A1CF: variants seen among roughly 807,000 people sequenced by gnomAD.
A1CF encodes APOBEC-1 stimulating protein.
Under a neutral mutation model 68.9 loss-of-function variants are expected in A1CF, and 48 were observed. That is an observed-to-expected ratio of 0.70 (90% CI 0.55 to 0.89). The LOEUF (loss-of-function observed/expected upper bound fraction) is 0.89. Among genes scored for constraint, A1CF ranks in the 40% least tolerant of loss-of-function variants. A1CF has a pLI of 0.00. For missense variants in A1CF, 653 were observed against 718.9 expected (o/e 0.91, Z 1.05); for synonymous variants, 272 against 260.4 (o/e 1.04, Z -0.43).
At position 50,836,258 on chromosome 10, in the gene A1CF, A is replaced by C; in HGVS notation, c.420T>G (p.Val140=). The C allele has an allele frequency of 6.2e-7, 1 of 1,614,020 alleles. No individual in the cohort carries two copies. The highest frequency in any genetic ancestry group is 1.3e-5 in the African/African-American group (1 of 75,060). The change falls in exon 6 of 13, where the codon GTT becomes GTG. Residue 140 remains valine, a synonymous_variant. Coordinates refer to ENST00000373997, the MANE Select transcript of A1CF (RefSeq NM_014576.4). ...TCTTTTTGGTTTTTGGGATGCCCCC[A>C]ACAAATAATCGGCAGTTGTCCACAC... The part of the protein sequence containing the change: ...CASVDNCRLF[V]GGIPKTKKRE...
At chr10:50,865,513 C>T (rs1840947304) in intron 1 of A1CF, among the ~76,000 whole-genome samples, 1 of 152,126 alleles carries the variant, frequency 6.6e-6, no homozygotes, top group Admixed American at 6.6e-5. Flanking sequence ...CTCCAAGAGG[C>T]AGAATTTCAA....
chr10:50,858,866 T>C (rs1840607910), intron 3 of A1CF, among the ~76,000 whole-genome samples: 1 of 152,092 alleles, frequency 6.6e-6, no homozygotes, highest in African/African-American at 2.4e-5. Flanking sequence ...TAGAAACTTT[T>C]TGAAATCTTA....
At chr10:50,808,023 C>T (rs1837917242) in intron 12 of A1CF, among the ~76,000 whole-genome samples, 1 of 152,160 alleles carries the variant, frequency 6.6e-6, no homozygotes, top group African/African-American at 2.4e-5. Flanking sequence ...GGATAGGAGA[C>T]ATGTGTTAAC....
intron 1 of A1CF, among the ~76,000 whole-genome samples, chr10:50,878,864 G>A (rs1177763083): frequency 6.6e-6 from 1 of 152,164 alleles, no homozygotes; most frequent in Admixed American, 6.5e-5. Context: ...ATACTCAAAT[G>A]ACTTTACTAA....
At chr10:50,848,728 A>C (rs1263231030) in intron 3 of A1CF, among the ~76,000 whole-genome samples, 1 of 152,056 alleles carries the variant, frequency 6.6e-6, no homozygotes, top group African/African-American at 2.4e-5. Context: ...TTCATAACTA[A>C]ACTTGTTTCA....
chr10:50,847,569 T>A (rs183227461), intron 3 of A1CF, among the ~76,000 whole-genome samples: 1 of 152,328 alleles, frequency 6.6e-6, no homozygotes, highest in East Asian at 1.9e-4. Context: ...AGCATGAAGA[T>A]TGAATGAACT....
At chr10:50,873,873 G>C (rs918603125) in intron 1 of A1CF, among the ~76,000 whole-genome samples, 1 of 151,942 alleles carries the variant, frequency 6.6e-6, no homozygotes, top group Non-Finnish European at 1.5e-5. Context: ...CTATATCAGA[G>C]AAAAAATACC....
chr10:50,836,271 C>T lies in A1CF; in HGVS notation c.407G>A (p.Cys136Tyr). ...LLGVCASVDN[C>Y]RLFVGGIPKT... ...TGGGATGCCCCCAACAAATAATCGGCAGTTGTCCACACTGGCACAAACCCC... is the reference window on the plus strand; with the variant it reads ...TGGGATGCCCCCAACAAATAATCGGTAGTTGTCCACACTGGCACAAACCCC... The change falls in exon 6 of 13, where the codon TGC becomes TAC. Residue 136 changes from cysteine (C) to tyrosine (Y), a missense_variant. Transcript: ENST00000373997. The T allele has an allele frequency of 6.2e-7, 1 of 1,613,932 alleles. No individual in the cohort carries two copies. Among genetic ancestry groups the T allele is most frequent in the Non-Finnish European group, 8.5e-7 (1 of 1,179,872 alleles).
chr10:50,876,943 G>A (rs998363702), intron 1 of A1CF, among the ~76,000 whole-genome samples: 2 of 151,982 alleles, frequency 1.3e-5, no homozygotes, highest in Non-Finnish European at 1.5e-5. Context: ...ATACATACAC[G>A]TAACTCTGTT....
chr10:50,836,931 G>T (rs1054636043), intron 5 of A1CF, among the ~76,000 whole-genome samples: 1 of 151,912 alleles, frequency 6.6e-6, no homozygotes, highest in Non-Finnish European at 1.5e-5. Flanking sequence ...TTCAAGAGTT[G>T]TCAATCCTCA....
At chr10:50,813,018 C>T (rs1288187049) in intron 10 of A1CF, among the ~76,000 whole-genome samples, 1 of 152,116 alleles carries the variant, frequency 6.6e-6, no homozygotes, top group South Asian at 2.1e-4. Context: ...ATTATAAGGG[C>T]TACTTCCATA....
In A1CF at chr10:50,809,912, C is replaced by A. The variant is rs376140648; in HGVS notation, c.1591G>T (p.Ala531Ser). 20 of 1,613,412 alleles carry A rather than the reference C, an allele frequency of 1.2e-5. No individual in the cohort carries two copies. In the Admixed American group the frequency reaches 3.0e-4, roughly 24 times the overall value. ...GDGTMATAAA[A>S]ATAFPGYAVP... ...CCCATACCTGGGAAAGCAGTAGCAGCAGCAGCAGCAGTAGCCATGGTGCCA... is the reference window on the plus strand; with the variant it reads ...CCCATACCTGGGAAAGCAGTAGCAGAAGCAGCAGCAGTAGCCATGGTGCCA... Residue 531 changes from alanine to serine, a missense_variant, in exon 12 of 13, where the codon GCT becomes TCT. Physicochemically the swap from Ala to Ser is moderately conservative, Grantham distance 99. Coordinates refer to ENST00000373997, the MANE Select transcript of A1CF (RefSeq NM_014576.4).
intron 1 of A1CF, among the ~76,000 whole-genome samples, chr10:50,878,731 A>T (rs1485573619): frequency 6.6e-6 from 1 of 152,196 alleles, no homozygotes; most frequent in African/African-American, 2.4e-5. Flanking sequence ...TTCTCTTAAA[A>T]TATCTTAAGG....
chr10:50,825,074 C>T (rs553877061), intron 7 of A1CF, among the ~76,000 whole-genome samples: 1 of 152,224 alleles, frequency 6.6e-6, no homozygotes, highest in South Asian at 2.1e-4. Context: ...GTGAATCTTT[C>T]AAAATGGAGC....
rs1840668771 is a variant in A1CF at position 50,859,944 on chromosome 10, G to C, written c.-4C>G. On this transcript the variant is annotated 5_prime_UTR_variant, in exon 3 of 13. Coordinates refer to ENST00000373997, the MANE Select transcript of A1CF (RefSeq NM_014576.4). ...CGGATTTGTGATTTGATTCCATTGA[G>C]AGTGATTATCAGCAAAAAATCAGGT... is the stretch of plus-strand genomic sequence containing the variant. The C allele has an allele frequency of 6.2e-7, 1 of 1,613,298 alleles. No homozygotes were observed. The highest frequency in any genetic ancestry group is 8.5e-7 in the Non-Finnish European group (1 of 1,179,558).
rs1211858101 is a variant in A1CF, at chr10:50,802,046, A to G, written c.*4683T>C. ...AAATGTTGGACATTTGGAGGGCAAT[A>G]GAGTATTCTGTACCCATTTTTCCTT... On this transcript the variant is annotated 3_prime_UTR_variant, in exon 13 of 13. Coordinates refer to ENST00000373997, the MANE Select transcript of A1CF (RefSeq NM_014576.4). The G allele has an allele frequency of 6.6e-6, 1 of 152,242 alleles. No homozygotes were observed. The highest frequency in any genetic ancestry group is 6.5e-5 in the Admixed American group (1 of 15,286). 9.4% of individuals were successfully genotyped at this position (152,242 alleles called of 1,614,324 possible).
At chr10:50,868,425 GTCATGGA>G (rs756522445) in intron 1 of A1CF, among the ~76,000 whole-genome samples, 2 of 152,010 alleles carry the variant, frequency 1.3e-5, no homozygotes, top group African/African-American at 2.4e-5. Flanking sequence ...ATGCACTTTG[GTCATGGA>G]TCATGAGCCA....
At chr10:50,850,226 T>C (rs1398180234) in intron 3 of A1CF, among the ~76,000 whole-genome samples, 5 of 152,342 alleles carry the variant, frequency 3.3e-5, no homozygotes, top group Non-Finnish European at 5.9e-5. Flanking sequence ...CTTTGGAAGA[T>C]TGACCATTGA....
intron 12 of A1CF, 109 bp from the exon 13 acceptor site, chr10:50,806,989 A>G (rs762319519): frequency 8.2e-6 from 9 of 1,098,558 alleles, no homozygotes; most frequent in Non-Finnish European, 1.2e-5. Context: ...GCTTAAAGCT[A>G]AAAGTTAATA....
Sources: allele counts gnomAD v4.1 joint callset (sites outside exome capture counted in the v4.1 genomes callset), GRCh38; gene constraint gnomAD v4.1.1; transcripts MANE v1.5; gene names NCBI Gene and HGNC (gene_info 2026-07-23, HGNC 2026-07-21).